Variants in GC observed in about 807,000 individuals in gnomAD.
GC encodes the protein GC vitamin D binding protein, also known as vitamin D-binding protein.
In GC, 43 loss-of-function variants were observed where a neutral mutation model predicts 56.7. That is an observed-to-expected ratio of 0.76 (90% CI 0.59 to 0.98). The LOEUF is 0.98. Ranked by LOEUF, GC falls within the 50% of genes least tolerant of loss-of-function variation. The probability of loss-of-function intolerance (pLI) is 0.00; values close to 1 mark genes in which losing one functional copy is unlikely to be tolerated. For missense variants in GC, 529 were observed against 545.9 expected (o/e 0.97, Z 0.31); for synonymous variants, 216 against 202.7 (o/e 1.07, Z -0.56).
chr4:71,793,741 A>T (rs1578323435), intron 1 of GC, among the ~76,000 whole-genome samples: 1 of 152,160 alleles, frequency 6.6e-6, no homozygotes, highest in Non-Finnish European at 1.5e-5. Flanking sequence ...GCTGGTTTTC[A>T]AAGGGAAGGC....
At chr4:71,752,226 A>G (rs1363434907) in intron 11 of GC, among the ~76,000 whole-genome samples, 1 of 152,174 alleles carries the variant, frequency 6.6e-6, no homozygotes, top group Non-Finnish European at 1.5e-5. Flanking sequence ...ACAACTCACA[A>G]TTTGTAAAAC....
rs764322599 is a variant in GC at position 71,754,433 on chromosome 4, T to C, written c.1240A>G (p.Thr414Ala). 6.4e-7 allele frequency: 1 copy of C among 1,550,518 alleles called. No individual in the cohort carries two copies. The highest frequency in any genetic ancestry group is 8.9e-7 in the Non-Finnish European group (1 of 1,123,998). The change falls in exon 10 of 13, where the codon ACA becomes GCA. Residue 414 changes from threonine to alanine, a missense_variant. By Grantham distance (58) the Thr-to-Ala change is moderately conservative. Transcript: ENST00000273951. ...QELCADYSEN[T>A]FTEYKKKLAE... ...TACTTTTTCTTGTACTCAGTAAATG[T>C]ATTTTCTGAATAATCTGCACATAGT...
exon 1 of GC, chr4:71,803,970 G>C: frequency 6.9e-7 from 1 of 1,448,972 alleles, no homozygotes; most frequent in Non-Finnish European, 9.4e-7. Context: ...GACTAGTCCA[G>C]ATCATCACCA....
At chr4:71,798,908 A>G (rs1401462742) in intron 1 of GC, among the ~76,000 whole-genome samples, 1 of 152,218 alleles carries the variant, frequency 6.6e-6, no homozygotes, top group African/African-American at 2.4e-5. Context: ...TTTACTTTTA[A>G]GAAGCAGAAT....
At chr4:71,800,541 T>TA (rs1743223894) in intron 1 of GC, among the ~76,000 whole-genome samples, 1 of 152,218 alleles carries the variant, frequency 6.6e-6, no homozygotes, top group South Asian at 2.1e-4. Flanking sequence ...GCAGTAAATA[T>TA]ACGTGTGCAT....
intron 1 of GC, among the ~76,000 whole-genome samples, chr4:71,795,572 C>T (rs1743078943): frequency 6.6e-6 from 1 of 152,186 alleles, no homozygotes; most frequent in South Asian, 2.1e-4. Context: ...AATGCGCCTC[C>T]TGAATACAGC....
chr4:71,750,856 G>A (rs1366691881), intron 11 of GC, among the ~76,000 whole-genome samples: 4 of 151,634 alleles, frequency 2.6e-5, no homozygotes, highest in Non-Finnish European at 4.4e-5. Flanking sequence ...CTGCACTCCA[G>A]CCTGGGTGAC....
chr4:71,754,167 A>G lies in GC; in HGVS notation c.1262+244T>C, dbSNP rs370367309. ...AGTATAATCATCACCCAAATAGTGT[A>G]CATTGTATCCAATAGGGAATTCCTT... On this transcript the variant is annotated intron_variant, in intron 10 of 12. Transcript: ENST00000273951. Among the ~76,000 whole-genome samples the G allele has an allele frequency of 8.5e-5, 13 of 152,306 alleles. No individual in the cohort carries two copies. The South Asian group carries it at 2.7e-3, about 32-fold the overall frequency.
intron 11 of GC, among the ~76,000 whole-genome samples, chr4:71,749,986 G>A (rs904423685): frequency 6.6e-6 from 1 of 152,168 alleles, no homozygotes; most frequent in Non-Finnish European, 1.5e-5. Context: ...AAAAGATGTA[G>A]CTCCATTTGT....
intron 1 of GC, among the ~76,000 whole-genome samples, chr4:71,770,219 C>T (rs1400504580): frequency 1.3e-5 from 2 of 152,044 alleles, no homozygotes; most frequent in African/African-American, 2.4e-5. Flanking sequence ...AAGCAGAGGA[C>T]TGGGTGGGAA....
chr4:71,763,496 G>T lies in GC; in HGVS notation c.613C>A (p.Gln205Lys). 1 of 1,579,528 alleles carries T rather than the reference G, an allele frequency of 6.3e-7. No individual in the cohort carries two copies. The highest frequency in any genetic ancestry group is 8.7e-7 in the Non-Finnish European group (1 of 1,149,420). The change falls in exon 6 of 13, where the codon CAG (glutamine) becomes AAG (lysine). Residue 205 changes from glutamine (Q) to lysine (K), a missense_variant. Coordinates refer to ENST00000273951, the MANE Select transcript of GC (RefSeq NM_000583.4). ...PTVCFLKERL[Q>K]LKHLSLLTTL... ...GTGAGAAGTGATAAATGTTTAAGCT[G>T]GAGTCTCTAGAAAACAAGTGAAAGA...
At chr4:71,747,630 C>G (rs548632027) in intron 11 of GC, among the ~76,000 whole-genome samples, 4 of 151,956 alleles carry the variant, frequency 2.6e-5, no homozygotes, top group Non-Finnish European at 5.9e-5. Flanking sequence ...TCATATGGTA[C>G]CATCAAAAGC....
At chr4:71,743,960 A>G (rs1339221065) in intron 12 of GC, among the ~76,000 whole-genome samples, 19 of 152,220 alleles carry the variant, frequency 1.2e-4, no homozygotes, top group Admixed American at 1.2e-3. Flanking sequence ...ATTTAGTGGT[A>G]CAGAAATCAA....
intron 3 of GC, among the ~76,000 whole-genome samples, chr4:71,767,318 C>T (rs920950829): frequency 6.7e-4 from 102 of 152,156 alleles, no homozygotes; most frequent in Non-Finnish European, 4.3e-4. Flanking sequence ...TCAGGCCTGA[C>T]GACTGCATTA....
At chr4:71,770,661 C>T (rs568214243) in intron 1 of GC, among the ~76,000 whole-genome samples, 5 of 152,082 alleles carry the variant, frequency 3.3e-5, no homozygotes, top group Admixed American at 2.6e-4. Context: ...CAGCCTAGAG[C>T]GTAGGAGGAA....
chr4:71,763,346 A>G, intron 6 of GC, 62 bp downstream of exon 6: 1 of 785,166 alleles, frequency 1.3e-6, no homozygotes. Context: ...AAAAACCCTA[A>G]TATTATGGAT....
chr4:71,775,902 A>C (rs1742493284), intron 1 of GC, among the ~76,000 whole-genome samples: 1 of 152,084 alleles, frequency 6.6e-6, no homozygotes, highest in Admixed American at 6.6e-5. Flanking sequence ...TTTATAAAAA[A>C]TGTTCAGCAT....
intron 12 of GC, among the ~76,000 whole-genome samples, chr4:71,744,204 A>G (rs946274033): frequency 6.0e-5 from 9 of 150,414 alleles, no homozygotes; most frequent in African/African-American, 2.2e-4. Context: ...GCACTTCAGG[A>G]GGCCGAGGCG....
Position 71,758,092 on chromosome 4 carries a change from T to C in GC, c.781A>G (p.Ile261Val). ...VLPLAEDITNILSKCCESASE... is the reference protein window; with the variant it reads ...VLPLAEDITNVLSKCCESASE... ...GCAGACTCACAGCATTTGGAGAGGA[T>C]GTTAGTAATATCTTCAGCTAGTGGC... Residue 261 changes from isoleucine (I) to valine (V), a missense_variant, in exon 7 of 13, where the codon ATC (isoleucine) becomes GTC (valine). Ile to Val is a conservative substitution (Grantham distance 29). Coordinates refer to ENST00000273951, the MANE Select transcript of GC (RefSeq NM_000583.4). 2 of 1,613,584 alleles carry C rather than the reference T, an allele frequency of 1.2e-6. No individual in the cohort carries two copies. Among genetic ancestry groups the C allele is most frequent in the South Asian group, 2.2e-5 (2 of 91,050 alleles).
Sources: allele counts gnomAD v4.1 joint callset (sites outside exome capture counted in the v4.1 genomes callset), GRCh38; gene constraint gnomAD v4.1.1; transcripts MANE v1.5; gene names NCBI Gene and HGNC (gene_info 2026-07-23, HGNC 2026-07-21).